LARS2: variants seen among roughly 807,000 people sequenced by gnomAD.
LARS2 encodes leucyl-tRNA synthetase 2, mitochondrial.
LARS2 carries 81 observed loss-of-function variants against 116.6 expected under a neutral mutation model. The ratio of observed to expected loss-of-function variants is 0.69; its 90% CI spans 0.58 to 0.84. LARS2 has a LOEUF of 0.84. Ranked by LOEUF, LARS2 falls within the 40% of genes least tolerant of loss-of-function variation. LARS2 has a pLI of 0.00. For missense variants in LARS2, 968 were observed against 1,114.5 expected (o/e 0.87, Z 1.87); for synonymous variants, 396 against 407.2 (o/e 0.97, Z 0.33).
chr3:45,482,396 A>C (rs550913328), intron 10 of LARS2, among the ~76,000 whole-genome samples: 5 of 152,282 alleles, frequency 3.3e-5, no homozygotes, highest in African/African-American at 1.2e-4. Flanking sequence ...TTTTGGTCAA[A>C]GGTTACAAAC....
intron 6 of LARS2, among the ~76,000 whole-genome samples, chr3:45,439,872 C>T (rs1394086789): frequency 6.6e-6 from 1 of 152,186 alleles, no homozygotes; most frequent in Non-Finnish European, 1.5e-5. Flanking sequence ...CAGGACAGGA[C>T]CCTGTCTTTC....
chr3:45,524,772 C>T (rs1039774721), intron 20 of LARS2, among the ~76,000 whole-genome samples: 3 of 152,030 alleles, frequency 2.0e-5, no homozygotes, highest in East Asian at 1.9e-4. Context: ...GTTTCGTTGA[C>T]GTAAAAGATT....
rs140105027 is a variant in LARS2 at position 45,400,334 on chromosome 3, C to T, written c.324C>T (p.Ser108=). 9.9e-5 allele frequency: 159 copies of T among 1,613,684 alleles called. No individual in the cohort carries two copies. In the African/African-American group the frequency reaches 1.3e-3, roughly 13 times the overall value. The change falls in exon 4 of 22, where the codon AGC becomes AGT. Residue 108 remains serine, a synonymous_variant. Coordinates refer to ENST00000645846, the MANE Select transcript of LARS2 (RefSeq NM_015340.4). ...HMGHVRVYTI[S]DTIARFQKMR... ...GCCATGTGCGTGTCTACACCATCAG[C>T]GACACCATAGCACGGTTCCAGAAGA...
chr3:45,521,100 C>G (rs1467651831), intron 19 of LARS2, among the ~76,000 whole-genome samples: 1 of 151,994 alleles, frequency 6.6e-6, no homozygotes, highest in African/African-American at 2.4e-5. Context: ...GTCAGGAGAT[C>G]AAGACCATCC....
chr3:45,500,544 T>C lies in LARS2; in HGVS notation c.1725T>C (p.Ser575=), dbSNP rs768531900. 9 of 1,569,316 alleles carry C rather than the reference T, an allele frequency of 5.7e-6. No homozygotes were observed. The South Asian group carries it at 9.7e-5, about 17-fold the overall frequency. ...ACTTGTTCTATGCAAGATTCTTTAG[T>C]CATTTTTGCCATGATCAAAAAATGG... ...VMHLFYARFF[S]HFCHDQKMVK... Residue 575 remains serine (S), a synonymous_variant, in exon 15 of 22, where the codon AGT becomes AGC. Transcript: ENST00000645846.
rs1223103190 is a variant in LARS2, at chr3:45,463,673, A to AT, written c.750+4797dup. The stretch of plus-strand genomic sequence containing the variant: ...CCTTCTCTGTGGTCTGAATTCATTC[A>AT]TTTTTTTTTTCCTGAGATGTTATTG... On this transcript the variant is annotated intron_variant, in intron 8 of 21. Coordinates refer to ENST00000645846, the MANE Select transcript of LARS2 (RefSeq NM_015340.4). Among the ~76,000 whole-genome samples, 37 of 148,676 alleles carry AT rather than the reference A, an allele frequency of 2.5e-4. 1 individual carries two copies. The highest frequency in any genetic ancestry group is 1.2e-3 in the East Asian group (6 of 5,082).
At chr3:45,467,061 A>G (rs1215987565) in intron 8 of LARS2, among the ~76,000 whole-genome samples, 1 of 152,134 alleles carries the variant, frequency 6.6e-6, no homozygotes, top group Non-Finnish European at 1.5e-5. Context: ...GAATGGGCAC[A>G]AATGGCCAGG....
chr3:45,447,285 T>A lies in LARS2; in HGVS notation c.606+305T>A, dbSNP rs1035997473. ...TCCCTCTCCCAGCTATGTGAACATCTGGGTAACTTAACCTCTAGGAAACAT... is the reference window on the plus strand; with the variant it reads ...TCCCTCTCCCAGCTATGTGAACATCAGGGTAACTTAACCTCTAGGAAACAT... On this transcript the variant is annotated intron_variant, in intron 7 of 21. Coordinates refer to ENST00000645846, the MANE Select transcript of LARS2 (RefSeq NM_015340.4). Among the ~76,000 whole-genome samples, 7 of 152,230 alleles carry A rather than the reference T, an allele frequency of 4.6e-5. 1 individual carries two copies. The highest frequency in any genetic ancestry group is 4.6e-4 in the Admixed American group (7 of 15,288).
chr3:45,542,849 A>G (rs1700818555), intron 21 of LARS2, among the ~76,000 whole-genome samples: 2 of 152,268 alleles, frequency 1.3e-5, no homozygotes, highest in African/African-American at 4.8e-5. Context: ...CCCTGCCCTC[A>G]TGGAGCTTAA....
intron 5 of LARS2, among the ~76,000 whole-genome samples, chr3:45,418,979 A>G (rs992156393): frequency 6.6e-6 from 1 of 152,404 alleles, no homozygotes; most frequent in African/African-American, 2.4e-5. Flanking sequence ...AGGGTCTTGC[A>G]TTAAATAAGC....
Position 45,444,501 on chromosome 3 carries a change from A to G in LARS2, c.517-2390A>G, listed in dbSNP as rs545615230. 8.3e-4 allele frequency among the ~76,000 whole-genome samples: 121 copies of G among 145,146 alleles called. 2 individuals are homozygous for G. The highest frequency in any genetic ancestry group is 1.6e-3 in the South Asian group (7 of 4,418). ...AAACGGTGAAACCCCCATCTCTACT[A>G]AAAATACAAAAAATTAGCCGGGCGT... On this transcript the variant is annotated intron_variant, in intron 6 of 21. Coordinates refer to ENST00000645846, the MANE Select transcript of LARS2 (RefSeq NM_015340.4).
rs1698989252 is a variant in LARS2, at chr3:45,444,762, T to A, written c.517-2129T>A. 1.3e-5 allele frequency among the ~76,000 whole-genome samples: 2 copies of A among 149,458 alleles called. 1 individual carries two copies. The highest frequency in any genetic ancestry group is 1.3e-4 in the Admixed American group (2 of 14,942). On this transcript the variant is annotated intron_variant, in intron 6 of 21. Coordinates refer to ENST00000645846, the MANE Select transcript of LARS2 (RefSeq NM_015340.4). ...TCATCGGCTTAGAGAAAAAAACACA[T>A]ATTTGTATATTTTATATATGTGTGT...
intron 15 of LARS2, among the ~76,000 whole-genome samples, chr3:45,504,524 T>C (rs186310193): frequency 2.0e-5 from 3 of 152,100 alleles, no homozygotes; most frequent in Admixed American, 2.0e-4. Context: ...TGTATGAAAA[T>C]AAACTGGTCT....
intron 15 of LARS2, among the ~76,000 whole-genome samples, chr3:45,503,635 G>T (rs374945481): frequency 1.3e-5 from 2 of 151,426 alleles, no homozygotes; most frequent in Non-Finnish European, 2.9e-5. Flanking sequence ...AGGCTCTCTT[G>T]TCTGCTGTAT....
At chr3:45,419,605 G>T in intron 5 of LARS2, 64 bp from the exon 6 acceptor site, 1 of 1,046,940 alleles carries the variant, frequency 9.6e-7, no homozygotes, top group East Asian at 2.4e-5. Context: ...CATTCTCAAA[G>T]TGTAGTTGTG....
chr3:45,466,649 T>C (rs1303242663), intron 8 of LARS2, among the ~76,000 whole-genome samples: 1 of 152,122 alleles, frequency 6.6e-6, no homozygotes, highest in Non-Finnish European at 1.5e-5. Flanking sequence ...TATTATATAA[T>C]TGAGGTGCCA....
intron 7 of LARS2, among the ~76,000 whole-genome samples, chr3:45,458,227 A>G (rs1699245813): frequency 6.6e-6 from 1 of 152,192 alleles, no homozygotes; most frequent in Admixed American, 6.5e-5. Context: ...ACACATCCTT[A>G]AAGGCTTCCT....
intron 6 of LARS2, among the ~76,000 whole-genome samples, chr3:45,433,372 C>G (rs1290107266): frequency 2.0e-5 from 3 of 151,738 alleles, no homozygotes; most frequent in Admixed American, 6.6e-5. Context: ...TTTTAGAATT[C>G]CATTTTGATT....
intron 20 of LARS2, among the ~76,000 whole-genome samples, chr3:45,535,001 C>A (rs1310994625): frequency 6.6e-6 from 1 of 152,134 alleles, no homozygotes; most frequent in Non-Finnish European, 1.5e-5. Flanking sequence ...TTTGGAGCCA[C>A]TGACACTGTT....
Sources: gnomAD v4.1 joint callset for allele counts (sites outside exome capture counted in the v4.1 genomes callset) on GRCh38, gnomAD v4.1.1 for gene constraint, MANE v1.5 for transcripts, NCBI Gene and HGNC (gene_info 2026-07-23, HGNC 2026-07-21) for gene names.